The following BTRC variants were observed in gnomAD, a reference collection of about 807,000 sequenced individuals.
The protein encoded by BTRC is F-box/WD repeat-containing protein 1A.
Under a neutral mutation model 85.5 loss-of-function variants are expected in BTRC, and 42 were observed. The ratio of observed to expected loss-of-function variants is 0.49; its 90% CI spans 0.38 to 0.64. The LOEUF (loss-of-function observed/expected upper bound fraction) is 0.64, where lower values mean the gene tolerates loss of function less well. Among genes scored for constraint, BTRC ranks in the 30% least tolerant of loss-of-function variants. The pLI is 0.00. For synonymous variants in BTRC, 255 were observed against 263.3 expected (o/e 0.97, Z 0.30); for missense variants, 594 against 743.5 (o/e 0.80, Z 2.34).
chr10:101,423,470 T>C (rs10786635), intron 1 of BTRC, among the ~76,000 whole-genome samples: 55,940 of 152,140 alleles, frequency 0.37, 11,539 homozygotes, highest in Middle Eastern at 0.49. Context: ...CCTAAACTTA[T>C]AGTAGCTGTT....
intron 3 of BTRC, among the ~76,000 whole-genome samples, chr10:101,470,246 A>C (rs1945484238): frequency 6.6e-6 from 1 of 151,970 alleles, no homozygotes; most frequent in African/African-American, 2.4e-5. Context: ...TATATCTCAC[A>C]GTCTATGGTT....
chr10:101,470,027 G>T lies in BTRC; in HGVS notation c.234+7969G>T, dbSNP rs1945478959. Among the ~76,000 whole-genome samples the T allele has an allele frequency of 2.0e-5, 3 of 152,156 alleles. No individual in the cohort carries two copies. The South Asian group carries it at 6.2e-4, about 31-fold the overall frequency. On this transcript the variant is annotated intron_variant, in intron 3 of 14. Transcript: ENST00000370187. ...CCATCATTATAAGTGAAGTTACTAT[G>T]AACGTTCTTCTATAAAGGTTTTTGG... is the stretch of plus-strand genomic sequence containing the variant.
chr10:101,393,741 C>G (rs1176233403), intron 1 of BTRC, among the ~76,000 whole-genome samples: 1 of 152,180 alleles, frequency 6.6e-6, no homozygotes, highest in Non-Finnish European at 1.5e-5. Context: ...TCTTTCCCTA[C>G]ACACTCCCCC....
intron 1 of BTRC, among the ~76,000 whole-genome samples, chr10:101,422,629 T>C (rs1369546729): frequency 6.6e-6 from 1 of 152,216 alleles, no homozygotes. Context: ...TTACTCCACC[T>C]TGAATTAATT....
chr10:101,396,384 A>G (rs535705271), intron 1 of BTRC, among the ~76,000 whole-genome samples: 3 of 151,756 alleles, frequency 2.0e-5, no homozygotes, highest in African/African-American at 7.3e-5. Context: ...CCACTATGCG[A>G]AAACTTGAAT....
chr10:101,361,010 T>G (rs991116196), intron 1 of BTRC, among the ~76,000 whole-genome samples: 8 of 152,142 alleles, frequency 5.3e-5, no homozygotes, highest in Admixed American at 3.9e-4. Flanking sequence ...CTTGCTGTGT[T>G]GCCCAGGCTG....
At chr10:101,485,208 A>G (rs545157366) in intron 4 of BTRC, among the ~76,000 whole-genome samples, 1 of 152,260 alleles carries the variant, frequency 6.6e-6, no homozygotes, top group African/African-American at 2.4e-5. Context: ...AAAAAAGTCC[A>G]GACCCCAGCC....
intron 1 of BTRC, among the ~76,000 whole-genome samples, chr10:101,383,128 A>G (rs1272359965): frequency 2.2e-5 from 3 of 134,700 alleles, no homozygotes; most frequent in South Asian, 2.3e-4. Context: ...CTGTGGTGCT[A>G]TCACAGCTCA....
chr10:101,357,196 A>G (rs1230658461), intron 1 of BTRC, among the ~76,000 whole-genome samples: 1 of 151,232 alleles, frequency 6.6e-6, no homozygotes, highest in Non-Finnish European at 1.5e-5. Flanking sequence ...TAATCCCAGC[A>G]CTTTGGGAGG....
At chr10:101,537,485 G>A (rs180866714) in intron 12 of BTRC, among the ~76,000 whole-genome samples, 19 of 152,106 alleles carry the variant, frequency 1.2e-4, no homozygotes, top group African/African-American at 2.9e-4. Flanking sequence ...CCAAGATTGC[G>A]CCACCACACT....
At chr10:101,368,464 CTTTTTTTTTTTT>C (rs60190021) in intron 1 of BTRC, among the ~76,000 whole-genome samples, 235 of 75,338 alleles carry the variant, frequency 3.1e-3, no homozygotes, top group Non-Finnish European at 4.3e-3. Flanking sequence ...AACTGTTTTT[CTTTTTTTTTTTT>C]TTTTTTTTTT....
At chr10:101,463,205 C>T (rs538198728) in intron 3 of BTRC, among the ~76,000 whole-genome samples, 5 of 152,242 alleles carry the variant, frequency 3.3e-5, no homozygotes, top group Admixed American at 1.3e-4. Context: ...ACTACCACAC[C>T]GGGCTAATTT....
chr10:101,473,331 C>CT (rs1022404168), intron 3 of BTRC, among the ~76,000 whole-genome samples: 22 of 151,710 alleles, frequency 1.5e-4, no homozygotes, highest in Non-Finnish European at 2.9e-5. Flanking sequence ...GTTGCTCAGG[C>CT]TGAAGTGCAG....
At chr10:101,441,601 C>G (rs1043380352) in intron 2 of BTRC, among the ~76,000 whole-genome samples, 2 of 152,036 alleles carry the variant, frequency 1.3e-5, no homozygotes, top group Non-Finnish European at 2.9e-5. Context: ...TTTTCTTGGC[C>G]GGGCGTGGTG....
intron 3 of BTRC, among the ~76,000 whole-genome samples, chr10:101,470,335 T>C (rs1189689597): frequency 2.7e-5 from 4 of 145,544 alleles, no homozygotes; most frequent in East Asian, 2.0e-4. Flanking sequence ...CTTTCTTTTT[T>C]TTTTTTTTTT....
intron 2 of BTRC, among the ~76,000 whole-genome samples, chr10:101,439,752 G>A (rs1270142820): frequency 6.6e-6 from 1 of 152,246 alleles, no homozygotes; most frequent in Non-Finnish European, 1.5e-5. Context: ...AGGAGATAAA[G>A]TTGGGTTAGT....
intron 1 of BTRC, among the ~76,000 whole-genome samples, chr10:101,410,384 A>G (rs1017871226): frequency 1.3e-5 from 2 of 152,146 alleles, no homozygotes; most frequent in Non-Finnish European, 2.9e-5. Flanking sequence ...TTGGAGGCCA[A>G]GGTGGGCGGA....
chr10:101,381,325 G>A (rs946965125), intron 1 of BTRC, among the ~76,000 whole-genome samples: 31 of 152,120 alleles, frequency 2.0e-4, no homozygotes, highest in African/African-American at 7.5e-4. Flanking sequence ...TTTGTGAATG[G>A]CACAGCTGGT....
chr10:101,356,503 C>T lies in BTRC; in HGVS notation c.48+2275C>T, dbSNP rs138285433. Among the ~76,000 whole-genome samples, 1,026 of 152,314 alleles carry T rather than the reference C, an allele frequency of 6.7e-3. 5 individuals carry two copies. The highest frequency in any genetic ancestry group is 0.01 in the Non-Finnish European group (712 of 68,024). On this transcript the variant is annotated intron_variant, in intron 1 of 14. Transcript: ENST00000370187. ...GCCTCCCTGGTTGAGTTAAAGTGGA[C>T]TTGGAGATGACCATATAGTAGTTGC...
Sources: allele counts gnomAD v4.1 joint callset (sites outside exome capture counted in the v4.1 genomes callset), GRCh38; gene constraint gnomAD v4.1.1; transcripts MANE v1.5; gene names NCBI Gene and HGNC (gene_info 2026-07-23, HGNC 2026-07-21).